Variants in LRBA observed in about 807,000 individuals in gnomAD.
The protein encoded by LRBA is LPS responsive beige-like anchor protein.
LRBA carries 176 observed loss-of-function variants against 330.0 expected under a neutral mutation model. The ratio of observed to expected loss-of-function variants is 0.53; its 90% CI spans 0.47 to 0.60. LRBA has a LOEUF of 0.60. Among genes scored for constraint, LRBA ranks in the 20% least tolerant of loss-of-function variants. LRBA has a pLI of 0.00. For synonymous variants in LRBA, 1,230 were observed against 1,193.0 expected (o/e 1.03, Z -0.64); for missense variants, 3,259 against 3,444.8 (o/e 0.95, Z 1.35).
intron 40 of LRBA, among the ~76,000 whole-genome samples, chr4:150,555,862 G>A (rs1175712153): frequency 1.3e-5 from 2 of 151,898 alleles, no homozygotes; most frequent in East Asian, 1.9e-4. Flanking sequence ...GTGTGCAGTG[G>A]TGCAATCGCG....
chr4:150,470,840 TAC>T (rs146604033), intron 43 of LRBA, among the ~76,000 whole-genome samples: 1,780 of 140,614 alleles, frequency 0.013, 16 homozygotes, highest in Admixed American at 0.017. Flanking sequence ...CCCTCATTAC[TAC>T]ACACACACAC....
Position 150,682,395 on chromosome 4 carries a change from A to AAAAC in LRBA, c.5921+1152_5921+1155dup, listed in dbSNP as rs1304097895. On this transcript the variant is annotated intron_variant, in intron 37 of 56. Coordinates refer to ENST00000651943, the MANE Select transcript of LRBA (RefSeq NM_001364905.1). ...CCTGCAGATCAACTGAAATAACATT[A>AAAAC]AAACAAACAAACAAACATGGTTCCT... Among the ~76,000 whole-genome samples the AAAAC allele has an allele frequency of 2.0e-5, 3 of 152,310 alleles. No homozygotes were observed. The South Asian group carries it at 6.2e-4, about 32-fold the overall frequency.
At chr4:150,570,443 C>T (rs549788919) in intron 40 of LRBA, among the ~76,000 whole-genome samples, 6 of 152,054 alleles carry the variant, frequency 3.9e-5, no homozygotes, top group Non-Finnish European at 7.4e-5. Context: ...GTTCTCGAGA[C>T]ATGTCAGGCC....
chr4:150,406,656 C>T (rs1746235322), intron 47 of LRBA, among the ~76,000 whole-genome samples: 1 of 152,108 alleles, frequency 6.6e-6, no homozygotes, highest in African/African-American at 2.4e-5. Context: ...CAATTATAAA[C>T]ATATATGCAC....
intron 44 of LRBA, among the ~76,000 whole-genome samples, chr4:150,445,578 A>G (rs1014729111): frequency 8.5e-4 from 130 of 152,124 alleles, no homozygotes; most frequent in East Asian, 1.2e-3. Context: ...GAGGATTCCA[A>G]ATCCATAAAG....
At chr4:150,804,818 A>T (rs1742319660) in intron 33 of LRBA, among the ~76,000 whole-genome samples, 1 of 152,128 alleles carries the variant, frequency 6.6e-6, no homozygotes, top group Non-Finnish European at 1.5e-5. Flanking sequence ...ACCTTAAAAA[A>T]TCCTAGTTAT....
intron 19 of LRBA, among the ~76,000 whole-genome samples, chr4:150,870,842 A>G (rs190221272): frequency 2.0e-5 from 3 of 152,362 alleles, no homozygotes; most frequent in Admixed American, 2.0e-4. Context: ...AAATGGAGGG[A>G]ACATTTAAAC....
At chr4:150,413,030 A>G (rs1390561822) in intron 47 of LRBA, among the ~76,000 whole-genome samples, 1 of 151,896 alleles carries the variant, frequency 6.6e-6, no homozygotes, top group East Asian at 1.9e-4. Context: ...AGACAACCCA[A>G]TTTAAAAACA....
intron 2 of LRBA, among the ~76,000 whole-genome samples, chr4:150,994,760 T>C (rs1742458984): frequency 6.6e-6 from 1 of 152,156 alleles, no homozygotes; most frequent in African/African-American, 2.4e-5. Flanking sequence ...TTTCTGGCAA[T>C]ATGGTAGACT....
chr4:150,332,925 T>G (rs765561769), intron 48 of LRBA, among the ~76,000 whole-genome samples: 16 of 152,198 alleles, frequency 1.1e-4, no homozygotes, highest in Non-Finnish European at 1.8e-4. Context: ...GAAGAGATTT[T>G]CAACAAGCTG....
rs1732239598 is a variant in LRBA, at chr4:150,913,485, G to C, written c.1161+710C>G. ...TCCACCTCAAAAAAAAGAAGAAGAA[G>C]AAGAACAATGCACATTCTACTGTTG... is the stretch of plus-strand genomic sequence containing the variant. On this transcript the variant is annotated intron_variant, in intron 9 of 56. Coordinates refer to ENST00000651943, the MANE Select transcript of LRBA (RefSeq NM_001364905.1). 2.0e-5 allele frequency among the ~76,000 whole-genome samples: 3 copies of C among 152,204 alleles called. No homozygotes were observed. In the South Asian group the frequency reaches 6.2e-4, roughly 32 times the overall value.
At chr4:150,858,310 A>G (rs1461263031) in intron 22 of LRBA, among the ~76,000 whole-genome samples, 1 of 152,026 alleles carries the variant, frequency 6.6e-6, no homozygotes, top group Non-Finnish European at 1.5e-5. Context: ...TGTGTTATAT[A>G]TAATGGCACC....
chr4:150,606,395 C>T lies in LRBA; in HGVS notation c.5922-7264G>A, dbSNP rs577029792. On this transcript the variant is annotated intron_variant, in intron 37 of 56. Coordinates refer to ENST00000651943, the MANE Select transcript of LRBA (RefSeq NM_001364905.1). ...TTTAGACAAATCTATTATACTGTCC[C>T]CAAATATCTAATTTAAAAAAATTCA... Among the ~76,000 whole-genome samples, 5 of 152,064 alleles carry T rather than the reference C, an allele frequency of 3.3e-5. No homozygotes were observed. The South Asian group carries it at 1.0e-3, about 32-fold the overall frequency.
chr4:150,571,649 G>GTTTTTTTTTTT (rs58652637), intron 40 of LRBA, among the ~76,000 whole-genome samples: 3 of 74,594 alleles, frequency 4.0e-5, no homozygotes, highest in Non-Finnish European at 5.1e-5. Context: ...CTGGTTAGTT[G>GTTTTTTTTTTT]TTTTTTTTTT....
chr4:150,653,375 G>GC (rs1779887929), intron 37 of LRBA, among the ~76,000 whole-genome samples: 1 of 152,156 alleles, frequency 6.6e-6, no homozygotes, highest in Non-Finnish European at 1.5e-5. Flanking sequence ...AATTTGCCAT[G>GC]CTTTAATCTA....
chr4:150,696,221 CCT>C, intron 36 of LRBA, among the ~76,000 whole-genome samples: 1 of 152,020 alleles, frequency 6.6e-6, no homozygotes, highest in Admixed American at 6.6e-5. Context: ...AGAGTGAGAC[CCT>C]GTCTCAAAAA....
At chr4:150,664,924 CACAT>C (rs958588099) in intron 37 of LRBA, among the ~76,000 whole-genome samples, 3 of 152,118 alleles carry the variant, frequency 2.0e-5, no homozygotes, top group African/African-American at 4.8e-5. Context: ...TTTTGACAAA[CACAT>C]ACAATTATGT....
At chr4:150,332,369 C>T (rs996512900) in intron 48 of LRBA, among the ~76,000 whole-genome samples, 1 of 152,190 alleles carries the variant, frequency 6.6e-6, no homozygotes, top group Non-Finnish European at 1.5e-5. Context: ...CTGTCCCTCC[C>T]TTTTTGCTCT....
chr4:150,869,766 C>T (rs1753201268), intron 20 of LRBA, among the ~76,000 whole-genome samples: 1 of 151,860 alleles, frequency 6.6e-6, no homozygotes, highest in African/African-American at 2.4e-5. Flanking sequence ...TAAAAATATG[C>T]ACTTAGACCA....
Sources: gnomAD v4.1 joint callset for allele counts (sites outside exome capture counted in the v4.1 genomes callset) on GRCh38, gnomAD v4.1.1 for gene constraint, MANE v1.5 for transcripts, NCBI Gene and HGNC (gene_info 2026-07-23, HGNC 2026-07-21) for gene names.